Variants in FSTL5 observed in about 807,000 individuals in gnomAD.
FSTL5 encodes the protein follistatin-related protein 5.
A neutral mutation model predicts 89.1 loss-of-function variants in FSTL5; 62 were observed. The observed-to-expected ratio is 0.70, with a 90% CI of 0.57 to 0.86. The LOEUF is 0.86. FSTL5 is among the 40% of genes least tolerant of loss of function. The pLI is 0.00. For synonymous variants in FSTL5, 383 were observed against 346.2 expected (o/e 1.11, Z -1.18); for missense variants, 1,057 against 1,001.6 (o/e 1.06, Z -0.75).
chr4:162,029,115 AT>A (rs1208710839), intron 3 of FSTL5, among the ~76,000 whole-genome samples: 1 of 151,722 alleles, frequency 6.6e-6, no homozygotes, highest in Non-Finnish European at 1.5e-5. Context: ...TTGCAAAAAA[AT>A]AAACTGAAAG....
At chr4:161,508,570 T>G (rs1282546601) in intron 11 of FSTL5, among the ~76,000 whole-genome samples, 1 of 152,204 alleles carries the variant, frequency 6.6e-6, no homozygotes, top group Non-Finnish European at 1.5e-5. Context: ...AATACATTTT[T>G]AAATAGAAAA....
chr4:161,774,282 A>T (rs1229471160), intron 5 of FSTL5, among the ~76,000 whole-genome samples: 2 of 152,114 alleles, frequency 1.3e-5, no homozygotes, highest in Non-Finnish European at 2.9e-5. Flanking sequence ...AAGCTGAAAG[A>T]AGCAAGAAAG....
At chr4:161,999,001 G>A (rs1173265772) in intron 3 of FSTL5, among the ~76,000 whole-genome samples, 3 of 152,106 alleles carry the variant, frequency 2.0e-5, no homozygotes, top group Admixed American at 2.0e-4. Flanking sequence ...TCCAAAGGGA[G>A]GAGGGTCTAA....
intron 4 of FSTL5, among the ~76,000 whole-genome samples, chr4:161,849,528 TACACACACACAC>T (rs35353090): frequency 1.7e-4 from 25 of 147,420 alleles, no homozygotes; most frequent in Middle Eastern, 3.5e-3. Flanking sequence ...GCCCTCGACC[TACACACACACAC>T]ACACACACAC....
At chr4:161,738,207 A>G (rs1224793468) in intron 6 of FSTL5, among the ~76,000 whole-genome samples, 1 of 152,080 alleles carries the variant, frequency 6.6e-6, no homozygotes, top group African/African-American at 2.4e-5. Flanking sequence ...CACAATGTCA[A>G]TTTTACGTAA....
At chr4:162,085,677 A>G (rs1316036443) in intron 2 of FSTL5, among the ~76,000 whole-genome samples, 1 of 152,104 alleles carries the variant, frequency 6.6e-6, no homozygotes, top group East Asian at 1.9e-4. Flanking sequence ...TGTGAAAAAT[A>G]AAGATAATGA....
intron 12 of FSTL5, among the ~76,000 whole-genome samples, chr4:161,496,907 T>C (rs1730106165): frequency 6.6e-6 from 1 of 152,086 alleles, no homozygotes; most frequent in African/African-American, 2.4e-5. Flanking sequence ...CAGACAGAGA[T>C]AGAAATGGAG....
intron 6 of FSTL5, among the ~76,000 whole-genome samples, chr4:161,682,735 C>G (rs377108837): frequency 1.6e-4 from 25 of 151,928 alleles, no homozygotes; most frequent in African/African-American, 6.0e-4. Context: ...GGCTGTTTTA[C>G]AGTTAACTTT....
chr4:161,580,332 C>G (rs916069157), intron 8 of FSTL5, among the ~76,000 whole-genome samples: 3 of 152,130 alleles, frequency 2.0e-5, no homozygotes, highest in Non-Finnish European at 4.4e-5. Flanking sequence ...TTAGGGGAAG[C>G]TACAATAGAG....
chr4:161,761,901 C>T (rs1276547159), intron 5 of FSTL5, among the ~76,000 whole-genome samples: 1 of 152,060 alleles, frequency 6.6e-6, no homozygotes, highest in African/African-American at 2.4e-5. Context: ...ATGAAATACC[C>T]CACTTAAAAC....
In FSTL5 at chr4:161,909,360, G is replaced by A. The variant is rs562656187; in HGVS notation, c.409+11044C>T. 3.3e-5 allele frequency among the ~76,000 whole-genome samples: 5 copies of A among 152,062 alleles called. No individual in the cohort carries two copies. The East Asian group carries it at 9.7e-4, about 29-fold the overall frequency. ...TTCTTCCTGGAAAAATAAAACTCCTGGTTAAAACTAATTCTTCAATTACTC... is the reference window on the plus strand; with the variant it reads ...TTCTTCCTGGAAAAATAAAACTCCTAGTTAAAACTAATTCTTCAATTACTC... On this transcript the variant is annotated intron_variant, in intron 4 of 15. Coordinates refer to ENST00000306100, the MANE Select transcript of FSTL5 (RefSeq NM_020116.5).
chr4:161,657,887 T>C lies in FSTL5; in HGVS notation c.728-1393A>G, dbSNP rs118172207. On this transcript the variant is annotated intron_variant, in intron 6 of 15. Transcript: ENST00000306100. ...AAACAGAAATATACTCACACTCCTA[T>C]TCTGTTATGTAGCATCTAATCTCTA... Among the ~76,000 whole-genome samples the C allele has an allele frequency of 1.7e-4, 26 of 152,284 alleles. 1 individual carries two copies. In the East Asian group the frequency reaches 5.0e-3, roughly 30 times the overall value.
chr4:161,796,325 G>A (rs1011194616), intron 4 of FSTL5, among the ~76,000 whole-genome samples: 14 of 151,686 alleles, frequency 9.2e-5, no homozygotes, highest in African/African-American at 3.1e-4. Context: ...ATTGAAGAAT[G>A]GAAGGAATCC....
At chr4:162,066,172 T>G (rs1267250856) in intron 2 of FSTL5, among the ~76,000 whole-genome samples, 1 of 152,170 alleles carries the variant, frequency 6.6e-6, no homozygotes, top group South Asian at 2.1e-4. Flanking sequence ...TCCACTCTTT[T>G]TATCTCTGAA....
At chr4:161,475,166 C>T (rs1029769103) in intron 13 of FSTL5, among the ~76,000 whole-genome samples, 3 of 151,882 alleles carry the variant, frequency 2.0e-5, no homozygotes, top group Admixed American at 6.6e-5. Flanking sequence ...CCTCTTGCTG[C>T]TTTCATAATT....
chr4:161,902,184 C>A (rs1379224526), intron 4 of FSTL5, among the ~76,000 whole-genome samples: 2 of 152,084 alleles, frequency 1.3e-5, no homozygotes, highest in African/African-American at 4.8e-5. Context: ...ACTGTACCTA[C>A]CCAAAAGGCA....
At chr4:162,069,492 C>A (rs377095431) in intron 2 of FSTL5, among the ~76,000 whole-genome samples, 24 of 151,908 alleles carry the variant, frequency 1.6e-4, no homozygotes, top group African/African-American at 5.8e-4. Flanking sequence ...ACTTATTCCT[C>A]CTATTTAGCT....
intron 8 of FSTL5, among the ~76,000 whole-genome samples, chr4:161,581,413 A>G (rs1320287107): frequency 1.3e-5 from 2 of 152,162 alleles, no homozygotes; most frequent in Non-Finnish European, 1.5e-5. Context: ...TGCTTTGTAG[A>G]TCTCACTGTC....
intron 2 of FSTL5, among the ~76,000 whole-genome samples, chr4:162,057,893 G>A (rs955967607): frequency 4.6e-5 from 7 of 152,074 alleles, no homozygotes; most frequent in African/African-American, 1.2e-4. Flanking sequence ...GCAGTGAGCC[G>A]AGATCACATC....
Sources: allele counts gnomAD v4.1 joint callset (sites outside exome capture counted in the v4.1 genomes callset), GRCh38; gene constraint gnomAD v4.1.1; transcripts MANE v1.5; gene names NCBI Gene and HGNC (gene_info 2026-07-23, HGNC 2026-07-21).